Variants in CELF2 observed in about 807,000 individuals in gnomAD.
The protein encoded by CELF2 is CUGBP Elav-like family member 2.
In CELF2, 8 loss-of-function variants were observed where a neutral mutation model predicts 62.6. The observed-to-expected ratio is 0.13, with a 90% CI of 0.07 to 0.23. CELF2 has a LOEUF of 0.23. Ranked by LOEUF, CELF2 falls within the 10% of genes least tolerant of loss-of-function variation. CELF2 has a pLI of 1.00. For missense variants in CELF2, 333 were observed against 671.0 expected (o/e 0.50, Z 5.56); for synonymous variants, 258 against 250.0 (o/e 1.03, Z -0.30).
intron 4 of CELF2, among the ~76,000 whole-genome samples, chr10:11,253,996 ACTGACTTTC>A (rs1405693687): frequency 6.6e-6 from 1 of 152,184 alleles, no homozygotes; most frequent in Non-Finnish European, 1.5e-5. Context: ...TTTCATTTAA[ACTGACTTTC>A]CTGTAGGTTG....
chr10:10,480,892 A>G, the CELF2 span, among the ~76,000 whole-genome samples: 1 of 152,166 alleles, frequency 6.6e-6, no homozygotes, highest in Non-Finnish European at 1.5e-5. Context: ...TTTACACTGC[A>G]GTATCATTCA....
chr10:11,190,109 C>T (rs1369714906), intron 2 of CELF2, among the ~76,000 whole-genome samples: 1 of 152,178 alleles, frequency 6.6e-6, no homozygotes, highest in African/African-American at 2.4e-5. Flanking sequence ...TGATTCAAGC[C>T]TTCACTTTCT....
chr10:11,248,098 A>G (rs966962032), intron 3 of CELF2, among the ~76,000 whole-genome samples: 5 of 152,246 alleles, frequency 3.3e-5, no homozygotes, highest in Admixed American at 1.3e-4. Context: ...AGGTGCCGAG[A>G]GAATGGGACC....
the CELF2 span, among the ~76,000 whole-genome samples, chr10:10,626,814 C>T: frequency 3.9e-5 from 6 of 152,162 alleles, no homozygotes; most frequent in Non-Finnish European, 8.8e-5. Flanking sequence ...CACGTGTTTA[C>T]AATAGAATTT....
At chr10:10,743,430 G>A in the CELF2 span, among the ~76,000 whole-genome samples, 1 of 152,212 alleles carries the variant, frequency 6.6e-6, no homozygotes, top group African/African-American at 2.4e-5. Context: ...TGCCCTTTGA[G>A]AAACTGAGAA....
intron 1 of CELF2, among the ~76,000 whole-genome samples, chr10:10,899,131 A>C (rs534681572): frequency 6.6e-6 from 1 of 152,342 alleles, no homozygotes; most frequent in South Asian, 2.1e-4. Context: ...AGAAACAAAG[A>C]AAAGTCTCAA....
chr10:11,006,629 A>G (rs112874650), intron 1 of CELF2, among the ~76,000 whole-genome samples: 1,571 of 152,328 alleles, frequency 0.01, 26 homozygotes, highest in African/African-American at 0.035. Flanking sequence ...TGTTTACGTA[A>G]ATTACAGTTT....
Position 11,008,216 on chromosome 10 carries a change from G to T in CELF2, c.53+2776G>T, listed in dbSNP as rs528154480. Among the ~76,000 whole-genome samples the T allele has an allele frequency of 1.2e-4, 19 of 152,264 alleles. 1 individual carries two copies. The highest frequency in any genetic ancestry group is 1.2e-3 in the Admixed American group (19 of 15,294). On this transcript the variant is annotated intron_variant, in intron 1 of 12. Coordinates refer to the CELF2 transcript ENST00000416382. This position sits in a 1 kb window ranked among gnomAD's most constrained non-coding sequence, Gnocchi z 4.5. ...GGAGGAAAGTTTAATTCTAAGCCCA[G>T]ACATGCAGAAAAATGAATAGCAAAA...
intron 3 of CELF2, among the ~76,000 whole-genome samples, chr10:11,236,401 C>T (rs2071310022): frequency 6.6e-6 from 1 of 152,172 alleles, no homozygotes; most frequent in Non-Finnish European, 1.5e-5. Context: ...TTGAAGCTGC[C>T]TGGAGTGGAT....
At chr10:10,855,267 G>A (rs554937662) in intron 1 of CELF2, among the ~76,000 whole-genome samples, 1 of 152,280 alleles carries the variant, frequency 6.6e-6, no homozygotes, top group African/African-American at 2.4e-5. Flanking sequence ...CAACTCAGAG[G>A]TGCTTCTGGC....
chr10:11,190,543 G>A (rs1006483528), intron 2 of CELF2, among the ~76,000 whole-genome samples: 9 of 151,728 alleles, frequency 5.9e-5, no homozygotes, highest in African/African-American at 1.5e-4. Context: ...AGCATGGTAC[G>A]TGGTTCAAGA....
At chr10:10,519,659 A>G in the CELF2 span, among the ~76,000 whole-genome samples, 2 of 152,204 alleles carry the variant, frequency 1.3e-5, no homozygotes, top group South Asian at 4.1e-4. Flanking sequence ...TGTGTTTATG[A>G]AAACCACCTC....
intron 1 of CELF2, among the ~76,000 whole-genome samples, chr10:11,068,767 A>G: frequency 6.6e-6 from 1 of 152,076 alleles, no homozygotes; most frequent in Non-Finnish European, 1.5e-5. Context: ...TCACCGTGTT[A>G]GCCAAGATGG....
At chr10:10,642,006 T>C in the CELF2 span, among the ~76,000 whole-genome samples, 11 of 152,102 alleles carry the variant, frequency 7.2e-5, no homozygotes, top group Admixed American at 2.6e-4. Flanking sequence ...CTGTTTCTAT[T>C]CCTTATTCTG....
At chr10:11,160,446 C>G (rs2065440000) in intron 1 of CELF2, among the ~76,000 whole-genome samples, 1 of 151,884 alleles carries the variant, frequency 6.6e-6, no homozygotes, top group Non-Finnish European at 1.5e-5. Context: ...AATCTCAACT[C>G]TAATCAGTAA....
intron 2 of CELF2, among the ~76,000 whole-genome samples, chr10:11,195,783 T>A (rs2057300310): frequency 6.6e-6 from 1 of 152,166 alleles, no homozygotes; most frequent in South Asian, 2.1e-4. Context: ...AGGCTGCATG[T>A]CCTTTGTTTT....
intron 1 of CELF2, among the ~76,000 whole-genome samples, chr10:10,882,464 C>T (rs1334621914): frequency 1.3e-5 from 2 of 152,204 alleles, no homozygotes; most frequent in Non-Finnish European, 2.9e-5. Flanking sequence ...CTTGTCTGAA[C>T]AGGGAAGGAA....
At chr10:10,956,949 GA>G (rs1399501460) in intron 2 of CELF2, among the ~76,000 whole-genome samples, 2 of 149,830 alleles carry the variant, frequency 1.3e-5, no homozygotes, top group Non-Finnish European at 3.0e-5. Context: ...AAAAAAAAAA[GA>G]AAAAAAAGTG....
chr10:10,514,479 G>A, the CELF2 span, among the ~76,000 whole-genome samples: 2 of 152,190 alleles, frequency 1.3e-5, no homozygotes, highest in East Asian at 1.9e-4. Flanking sequence ...CTTACTTGAA[G>A]GATGTTAACA....
Sources: gnomAD v4.1 joint callset for allele counts (sites outside exome capture counted in the v4.1 genomes callset) on GRCh38, gnomAD v4.1.1 for gene constraint, Gnocchi (gnomAD v3.1) non-coding constraint, MANE v1.5 for transcripts, NCBI Gene and HGNC (gene_info 2026-07-23, HGNC 2026-07-21) for gene names.